Variants in CPA6 observed in about 807,000 individuals in gnomAD.
CPA6 encodes carboxypeptidase A6, also known as carboxypeptidase B.
In CPA6, 58 loss-of-function variants were observed where a neutral mutation model predicts 63.3. The ratio of observed to expected loss-of-function variants is 0.92; its 90% CI spans 0.74 to 1.14. CPA6 has a LOEUF of 1.14. Ranked by LOEUF, CPA6 falls within the 50% of genes most tolerant of loss-of-function variation. The probability of loss-of-function intolerance (pLI) is 0.00; values close to 1 mark genes in which losing one functional copy is unlikely to be tolerated. For missense variants in CPA6, 565 were observed against 526.6 expected, an observed-to-expected ratio of 1.07 and a Z score of -0.71; for synonymous variants, 185 against 179.0, an observed-to-expected ratio of 1.03 and a Z score of -0.27.
In CPA6 at chr8:67,680,620, G is replaced by A. The variant is rs57481401; in HGVS notation, c.117-56369C>T. On this transcript the variant is annotated intron_variant, in intron 1 of 10. Coordinates refer to ENST00000297770, the MANE Select transcript of CPA6 (RefSeq NM_020361.5). ...GGGTATAGATTCTTTTTAACAATCA[G>A]GTATTCAGACATGCTCTGCCTTCCT... is the stretch of plus-strand genomic sequence containing the variant. Among the ~76,000 whole-genome samples the A allele has an allele frequency of 3.6e-3, 550 of 152,186 alleles. 6 individuals carry two copies. The highest frequency in any genetic ancestry group is 0.013 in the African/African-American group (528 of 41,504).
intron 3 of CPA6, among the ~76,000 whole-genome samples, chr8:67,515,470 T>G (rs1229947481): frequency 1.3e-5 from 2 of 152,228 alleles, no homozygotes; most frequent in African/African-American, 4.8e-5. Context: ...CATTCTTTTG[T>G]GGCTTTCTAT....
chr8:67,670,706 C>T (rs551246673), intron 1 of CPA6, among the ~76,000 whole-genome samples: 4 of 152,272 alleles, frequency 2.6e-5, no homozygotes, highest in Admixed American at 6.5e-5. Context: ...TATTAACAGT[C>T]GGGCCTACTA....
In CPA6 at chr8:67,683,132, C is replaced by T. The variant is rs1038647102; in HGVS notation, c.117-58881G>A. On this transcript the variant is annotated intron_variant, in intron 1 of 10. Transcript: ENST00000297770. Reference sequence around the variant, plus strand: ...CTAGCAGTAGCTGGAGCAATCATAGCGCTGTTTGCTTATTCCCCCTGTGGG... The same window carrying T: ...CTAGCAGTAGCTGGAGCAATCATAGTGCTGTTTGCTTATTCCCCCTGTGGG... 7.2e-5 allele frequency among the ~76,000 whole-genome samples: 11 copies of T among 152,330 alleles called. No homozygotes were observed. The East Asian group carries it at 1.7e-3, about 24-fold the overall frequency.
At chr8:67,548,666 G>A (rs1395574701) in intron 2 of CPA6, among the ~76,000 whole-genome samples, 2 of 152,192 alleles carry the variant, frequency 1.3e-5, no homozygotes, top group East Asian at 1.9e-4. Flanking sequence ...TAAGAAAAAT[G>A]TTCTATAGGG....
At chr8:67,475,920 TTCTTTCTTTCTTTC>T (rs1460730991) in intron 8 of CPA6, among the ~76,000 whole-genome samples, 2,863 of 101,100 alleles carry the variant, frequency 0.028, 172 homozygotes, top group African/African-American at 0.067. Context: ...CTTTCTTTCT[TTCTTTCTTTCTTTC>T]TCTTTCTTTC....
intron 2 of CPA6, among the ~76,000 whole-genome samples, chr8:67,559,468 A>G (rs1372523074): frequency 6.6e-6 from 1 of 152,120 alleles, no homozygotes; most frequent in African/African-American, 2.4e-5. Flanking sequence ...GCACTATCCC[A>G]TGGCCATGAT....
Position 67,560,160 on chromosome 8 carries a change from G to GATATATATATATATATATAT in CPA6, c.193-42114_193-42113insATATATATATATATATATAT, listed in dbSNP as rs6150633. Reference sequence around the variant, plus strand: ...GGTATCACATCTTCTTGTATTTCCGGATATATATATATATATATTCCAGAT... The same window carrying GATATATATATATATATATAT: ...GGTATCACATCTTCTTGTATTTCCGGATATATATATATATATATATATATATATATATATATATTCCAGAT... On this transcript the variant is annotated intron_variant, in intron 2 of 10. Coordinates refer to ENST00000297770, the MANE Select transcript of CPA6 (RefSeq NM_020361.5). 3.4e-3 allele frequency among the ~76,000 whole-genome samples: 478 copies of GATATATATATATATATATAT among 139,952 alleles called. 4 individuals are homozygous for GATATATATATATATATATAT. Among genetic ancestry groups the GATATATATATATATATATAT allele is most frequent in the African/African-American group, 6.9e-3 (250 of 36,392 alleles). The allele number at this position is 139,952 out of a possible 152,430, so 91.8% of individuals were successfully genotyped here.
chr8:67,699,647 G>A (rs2128998480), intron 1 of CPA6, among the ~76,000 whole-genome samples: 1 of 151,740 alleles, frequency 6.6e-6, no homozygotes, highest in Non-Finnish European at 1.5e-5. Flanking sequence ...GAGTACAATG[G>A]CACTATCTGG....
chr8:67,568,325 G>T (rs1813394668), intron 2 of CPA6, among the ~76,000 whole-genome samples: 1 of 151,898 alleles, frequency 6.6e-6, no homozygotes, highest in Non-Finnish European at 1.5e-5. Flanking sequence ...CCTAGAGAAA[G>T]GTAAATCTAT....
intron 1 of CPA6, among the ~76,000 whole-genome samples, chr8:67,714,254 T>C (rs999784624): frequency 6.6e-6 from 1 of 152,192 alleles, no homozygotes; most frequent in Non-Finnish European, 1.5e-5. Context: ...AACTGGGGTA[T>C]GAGGGATACT....
At chr8:67,696,515 C>T (rs1222037114) in intron 1 of CPA6, among the ~76,000 whole-genome samples, 9 of 152,144 alleles carry the variant, frequency 5.9e-5, no homozygotes, top group East Asian at 1.9e-4. Flanking sequence ...AATTCTACTT[C>T]GAGGTATCTA....
chr8:67,461,647 G>C (rs999553550), intron 8 of CPA6, among the ~76,000 whole-genome samples: 1 of 152,196 alleles, frequency 6.6e-6, no homozygotes, highest in Non-Finnish European at 1.5e-5. Flanking sequence ...GCCGGGCAGA[G>C]GTGCCCCTCA....
chr8:67,577,098 T>C (rs1237163855), intron 2 of CPA6, among the ~76,000 whole-genome samples: 1 of 152,184 alleles, frequency 6.6e-6, no homozygotes, highest in South Asian at 2.1e-4. Context: ...CAAGTGATCC[T>C]CCTGCCTCGG....
intron 2 of CPA6, among the ~76,000 whole-genome samples, chr8:67,613,936 G>C (rs1814874662): frequency 6.6e-6 from 1 of 152,160 alleles, no homozygotes; most frequent in Non-Finnish European, 1.5e-5. Context: ...AGTTCGGCTG[G>C]TGGGTCGTCG....
chr8:67,703,749 T>C (rs949570939), intron 1 of CPA6, among the ~76,000 whole-genome samples: 1 of 152,196 alleles, frequency 6.6e-6, no homozygotes, highest in Non-Finnish European at 1.5e-5. Flanking sequence ...TCTTGGCTCA[T>C]TGCTAGGATA....
At chr8:67,699,707 C>A (rs1816982676) in intron 1 of CPA6, among the ~76,000 whole-genome samples, 1 of 152,006 alleles carries the variant, frequency 6.6e-6, no homozygotes, top group African/African-American at 2.4e-5. Flanking sequence ...CCTGCCTCAG[C>A]CTCCCGAGTA....
chr8:67,458,360 G>C (rs571680859), intron 8 of CPA6, among the ~76,000 whole-genome samples: 2 of 152,126 alleles, frequency 1.3e-5, no homozygotes, highest in African/African-American at 4.8e-5. Context: ...ACCACCCCCG[G>C]CTATTTTTTG....
chr8:67,542,410 C>T (rs1377963116), intron 2 of CPA6, among the ~76,000 whole-genome samples: 1 of 152,150 alleles, frequency 6.6e-6, no homozygotes, highest in African/African-American at 2.4e-5. Context: ...TTAAGTCTTC[C>T]ACCAGTTTTA....
chr8:67,519,968 G>T (rs1174622361), intron 2 of CPA6, among the ~76,000 whole-genome samples: 1 of 151,850 alleles, frequency 6.6e-6, no homozygotes, highest in African/African-American at 2.4e-5. Context: ...CTTCAGTGAG[G>T]AATAGCTGGT....
Sources: gnomAD v4.1 joint callset for allele counts (sites outside exome capture counted in the v4.1 genomes callset) on GRCh38, gnomAD v4.1.1 for gene constraint, MANE v1.5 for transcripts, NCBI Gene and HGNC (gene_info 2026-07-23, HGNC 2026-07-21) for gene names.